The following PVT1 variants were observed in gnomAD, a reference collection of about 807,000 sequenced individuals.
The protein encoded by PVT1 is Pvt1 oncogene, also known as CXCR4/PVT1 fusion.
chr8:127,797,553 C>T (rs1399382525), intron 2 of PVT1, among the ~76,000 whole-genome samples: 1 of 152,090 alleles, frequency 6.6e-6, no homozygotes, highest in Non-Finnish European at 1.5e-5. Context: ...TGGAATGCTG[C>T]CAAAATGGGT....
chr8:127,985,598 G>C (rs1258290081), intron 3 of PVT1, among the ~76,000 whole-genome samples: 1 of 152,108 alleles, frequency 6.6e-6, no homozygotes, highest in Admixed American at 6.5e-5. Context: ...TGCTGGATTT[G>C]ATAGAATCTA....
chr8:127,874,494 C>T (rs1815383891), intron 2 of PVT1, among the ~76,000 whole-genome samples: 1 of 152,100 alleles, frequency 6.6e-6, no homozygotes, highest in Non-Finnish European at 1.5e-5. Context: ...ATCTTCAATC[C>T]CAGTTCATCT....
At chr8:127,867,640 A>G (rs1241018337) in intron 2 of PVT1, among the ~76,000 whole-genome samples, 1 of 151,958 alleles carries the variant, frequency 6.6e-6, no homozygotes, top group East Asian at 1.9e-4. Context: ...AAGGTAAAAA[A>G]TGAACTTCGA....
At chr8:127,847,401 C>G (rs1191666448) in intron 2 of PVT1, among the ~76,000 whole-genome samples, 2 of 152,192 alleles carry the variant, frequency 1.3e-5, no homozygotes, top group South Asian at 2.1e-4. Context: ...GAATTATGGC[C>G]TTTTGGCATT....
chr8:128,086,901 A>G (rs1472009609), intron 5 of PVT1, among the ~76,000 whole-genome samples: 2 of 152,154 alleles, frequency 1.3e-5, no homozygotes, highest in Non-Finnish European at 2.9e-5. Flanking sequence ...AAGTTTCTTG[A>G]GGTTCTGGAG....
chr8:127,936,516 G>T (rs1016764784), intron 3 of PVT1, among the ~76,000 whole-genome samples: 10 of 152,162 alleles, frequency 6.6e-5, no homozygotes, highest in African/African-American at 2.2e-4. Flanking sequence ...TCCTATGGCC[G>T]CCCCAATGCT....
intron 2 of PVT1, among the ~76,000 whole-genome samples, chr8:127,875,052 G>A (rs1353521899): frequency 4.6e-5 from 7 of 152,098 alleles, no homozygotes; most frequent in East Asian, 1.9e-4. Context: ...GTGGAGGAAC[G>A]TCCTCCACTA....
rs536487553 is a variant in PVT1, at chr8:128,034,440, C to T, written n.913-35720C>T. Among the ~76,000 whole-genome samples, 61 of 152,276 alleles carry T rather than the reference C, an allele frequency of 4.0e-4. No individual in the cohort carries two copies. The Middle Eastern group carries it at 0.01, about 25-fold the overall frequency. ...TTTCCATTTTGGAACATTACACTTC[C>T]AGGGCTTCGCTCTGGTCCAGAATAC... On this transcript the variant is annotated intron_variant and non_coding_transcript_variant, in intron 4 of 10. Coordinates refer to ENST00000651587, the Ensembl canonical transcript of PVT1.
chr8:128,048,529 T>G (rs1326335360), intron 4 of PVT1: 4 of 152,208 alleles, frequency 2.6e-5, no homozygotes, highest in Non-Finnish European at 5.9e-5. Context: ...TCAGTTAAGT[T>G]GGGCAGATCT....
At chr8:127,829,946 G>T (rs1041502227) in intron 2 of PVT1, among the ~76,000 whole-genome samples, 14 of 152,078 alleles carry the variant, frequency 9.2e-5, no homozygotes, top group African/African-American at 3.4e-4. Context: ...GCAATCTCTG[G>T]CTTGTGGCTG....
intron 4 of PVT1, among the ~76,000 whole-genome samples, chr8:128,005,100 A>T (rs1013828385): frequency 2.0e-5 from 3 of 151,972 alleles, no homozygotes; most frequent in Admixed American, 6.6e-5. Flanking sequence ...AGATCACACC[A>T]TTGCACTCCA....
At chr8:128,012,282 A>G (rs907534527) in intron 4 of PVT1, among the ~76,000 whole-genome samples, 4 of 152,150 alleles carry the variant, frequency 2.6e-5, no homozygotes, top group Admixed American at 6.5e-5. Context: ...CTGGGTCTCT[A>G]CTGTACTCTT....
chr8:128,014,672 C>A (rs146601642), intron 4 of PVT1, among the ~76,000 whole-genome samples: 1 of 152,188 alleles, frequency 6.6e-6, no homozygotes, highest in Non-Finnish European at 1.5e-5. Flanking sequence ...TTCAAAGTAA[C>A]AAGAAAGCTT....
chr8:128,015,410 G>C (rs1817361206), intron 4 of PVT1, among the ~76,000 whole-genome samples: 1 of 152,092 alleles, frequency 6.6e-6, no homozygotes. Context: ...TGTTTAGTTA[G>C]AGTAACTCTA....
chr8:127,911,436 G>T (rs554271003), intron 3 of PVT1, among the ~76,000 whole-genome samples: 1 of 152,236 alleles, frequency 6.6e-6, no homozygotes, highest in South Asian at 2.1e-4. Flanking sequence ...TACCTGGCCG[G>T]CCTTGCAAAG....
chr8:127,823,844 C>T (rs1215484225), intron 2 of PVT1, among the ~76,000 whole-genome samples: 1 of 152,216 alleles, frequency 6.6e-6, no homozygotes, highest in African/African-American at 2.4e-5. Context: ...GCTTTGATCA[C>T]ATGTCCTTTG....
rs1019962615 is a variant in PVT1, at chr8:127,825,872, A to G, written n.372+29801A>G. Among the ~76,000 whole-genome samples the G allele has an allele frequency of 7.9e-5, 12 of 151,702 alleles. No individual in the cohort carries two copies. The East Asian group carries it at 2.3e-3, about 29-fold the overall frequency. On this transcript the variant is annotated intron_variant and non_coding_transcript_variant, in intron 2 of 10. Transcript: ENST00000651587. ...ATTTATTATTTATTTATTTTTTGAGATGGGGTCTTACTCTGTTGCCCAAGC... is the reference window on the plus strand; with the variant it reads ...ATTTATTATTTATTTATTTTTTGAGGTGGGGTCTTACTCTGTTGCCCAAGC...
At chr8:127,843,101 A>G (rs1814990846) in intron 2 of PVT1, among the ~76,000 whole-genome samples, 2 of 152,196 alleles carry the variant, frequency 1.3e-5, no homozygotes, top group South Asian at 4.1e-4. Context: ...CGTGCCTGTA[A>G]TCTCAGCACT....
At chr8:127,921,516 A>T (rs1816056715) in intron 3 of PVT1, among the ~76,000 whole-genome samples, 1 of 152,170 alleles carries the variant, frequency 6.6e-6, no homozygotes, top group South Asian at 2.1e-4. Context: ...ATAGTTTAAA[A>T]TGATAATTTC....
Sources: allele counts gnomAD v4.1 joint callset (sites outside exome capture counted in the v4.1 genomes callset), GRCh38; gene constraint gnomAD v4.1.1; transcripts MANE v1.5; gene names NCBI Gene and HGNC (gene_info 2026-07-23, HGNC 2026-07-21).